The following BTBD9 variants were observed in gnomAD, a reference collection of about 807,000 sequenced individuals.
BTBD9 encodes BTB/POZ domain-containing protein 9.
Under a neutral mutation model 64.3 loss-of-function variants are expected in BTBD9, and 49 were observed. That is an observed-to-expected ratio of 0.76 (90% confidence interval 0.61 to 0.97). The LOEUF (loss-of-function observed/expected upper bound fraction) is 0.97, where lower values mean the gene tolerates loss of function less well. Among genes scored for constraint, BTBD9 ranks in the 50% least tolerant of loss-of-function variants. The pLI is 0.00. For synonymous variants in BTBD9, 260 were observed against 274.7 expected, an observed-to-expected ratio of 0.95 and a Z score of 0.53; for missense variants, 598 against 762.1, an observed-to-expected ratio of 0.78 and a Z score of 2.53.
At chr6:38,179,415 G>A (rs1000843118) in intron 10 of BTBD9, 2 of 456,600 alleles carry the variant, frequency 4.4e-6, no homozygotes, top group African/African-American at 4.0e-5. Context: ...TTCCCTGGAA[G>A]GGACGGGGGC....
At chr6:38,331,253 G>A (rs1163154291) in intron 7 of BTBD9, among the ~76,000 whole-genome samples, 1 of 152,224 alleles carries the variant, frequency 6.6e-6, no homozygotes, top group East Asian at 1.9e-4. Flanking sequence ...ACCGAGGTAG[G>A]AGGATTGCTT....
intron 6 of BTBD9, among the ~76,000 whole-genome samples, chr6:38,374,512 C>T (rs1463883277): frequency 8.6e-5 from 13 of 151,288 alleles, no homozygotes; most frequent in African/African-American, 2.9e-4. Flanking sequence ...TTCAGCCTCC[C>T]ACAGTTCTGG....
intron 6 of BTBD9, among the ~76,000 whole-genome samples, chr6:38,489,502 A>AC (rs912502172): frequency 5.3e-5 from 8 of 151,812 alleles, no homozygotes; most frequent in South Asian, 2.1e-4. Context: ...TAATTACAGT[A>AC]TTTTTTTTCA....
chr6:38,169,474 G>GGCA lies in BTBD9; in HGVS notation c.*5508_*5510dup, dbSNP rs1224522642. On this transcript the variant is annotated 3_prime_UTR_variant, in exon 11 of 11. Coordinates refer to ENST00000481247, the MANE Select transcript of BTBD9 (RefSeq NM_001099272.2). ...GGGCTCATGTGGTGGGGAGCAATTTGGCAGCAGACGGACTAATATCAACGT... is the reference window on the plus strand; with the variant it reads ...GGGCTCATGTGGTGGGGAGCAATTTGGCAGCAGCAGACGGACTAATATCAACGT... The GGCA allele has an allele frequency of 1.2e-5, 1 of 83,014 alleles. No homozygotes were observed. Among genetic ancestry groups the GGCA allele is most frequent in the Admixed American group, 1.2e-4 (1 of 8,636 alleles). 5.1% of individuals were successfully genotyped at this position (83,014 alleles called of 1,614,324 possible). A position where few individuals can be genotyped will look rare whatever the true frequency, so the allele number is the denominator to read the frequency against.
chr6:38,202,076 G>GTTTTTTTTTTTTTTTTTTTTTTTTTT (rs1263045337), intron 9 of BTBD9, among the ~76,000 whole-genome samples: 1 of 135,060 alleles, frequency 7.4e-6, no homozygotes. Flanking sequence ...CAAAAATGTC[G>GTTTTTTTTTTTTTTTTTTTTTTTTTT]TTTTTTTTGT....
chr6:38,373,106 T>C (rs1051926643), intron 6 of BTBD9, among the ~76,000 whole-genome samples: 7 of 152,168 alleles, frequency 4.6e-5, no homozygotes, highest in Admixed American at 3.3e-4. Flanking sequence ...ACCATGGTCC[T>C]TGGTAGATAC....
chr6:38,415,057 C>T (rs1767602156), intron 6 of BTBD9, among the ~76,000 whole-genome samples: 1 of 152,054 alleles, frequency 6.6e-6, no homozygotes, highest in Non-Finnish European at 1.5e-5. Flanking sequence ...CTCTAAGTTG[C>T]TTTTTTCCCC....
chr6:38,193,970 C>T, intron 9 of BTBD9: 9 of 864,082 alleles, frequency 1.0e-5, no homozygotes, highest in Non-Finnish European at 1.3e-5. Context: ...AACCAGTGTT[C>T]TGGAAACAAA....
chr6:38,342,490 T>C (rs1326933321), intron 7 of BTBD9, among the ~76,000 whole-genome samples: 4 of 147,870 alleles, frequency 2.7e-5, no homozygotes, highest in African/African-American at 1.0e-4. Flanking sequence ...GAGGCAAGAT[T>C]GTGCCACTGC....
intron 2 of BTBD9, among the ~76,000 whole-genome samples, chr6:38,597,478 C>A (rs189347339): frequency 3.8e-4 from 58 of 152,290 alleles, no homozygotes; most frequent in Middle Eastern, 3.4e-3. Flanking sequence ...TACAAGTGCA[C>A]GTCTTAGATC....
intron 9 of BTBD9, among the ~76,000 whole-genome samples, chr6:38,210,409 T>C (rs956324145): frequency 6.6e-6 from 1 of 152,168 alleles, no homozygotes; most frequent in African/African-American, 2.4e-5. Flanking sequence ...CTTTTCTCTC[T>C]CCTGCAGCAG....
At chr6:38,490,890 TAGTGCATAGATTTTTC>T (rs1431151806) in intron 6 of BTBD9, among the ~76,000 whole-genome samples, 3 of 152,330 alleles carry the variant, frequency 2.0e-5, no homozygotes, top group Admixed American at 6.5e-5. Flanking sequence ...GGCTTACTTC[TAGTGCATAGATTTTTC>T]CCAGAAAAGG....
chr6:38,361,499 T>G (rs1392513670), intron 6 of BTBD9, among the ~76,000 whole-genome samples: 1 of 152,040 alleles, frequency 6.6e-6, no homozygotes, highest in African/African-American at 2.4e-5. Context: ...GCTGTGATCA[T>G]GCCACGGCGC....
At chr6:38,201,316 T>C (rs1384103972) in intron 9 of BTBD9, among the ~76,000 whole-genome samples, 1 of 152,124 alleles carries the variant, frequency 6.6e-6, no homozygotes, top group Non-Finnish European at 1.5e-5. Flanking sequence ...CGTGATACAT[T>C]AGATCAACAA....
intron 7 of BTBD9, among the ~76,000 whole-genome samples, chr6:38,314,227 G>A (rs908491335): frequency 2.0e-5 from 3 of 151,150 alleles, no homozygotes; most frequent in Non-Finnish European, 2.9e-5. Flanking sequence ...CTGGAGTCTC[G>A]CTCTGTCGCC....
At chr6:38,471,391 G>A (rs1009202179) in intron 6 of BTBD9, among the ~76,000 whole-genome samples, 2 of 152,120 alleles carry the variant, frequency 1.3e-5, no homozygotes, top group Admixed American at 6.5e-5. Context: ...CAAGGAATCC[G>A]ACCCACTAGG....
rs1204449174 is a variant in BTBD9 at position 38,375,932 on chromosome 6, AAAG to A, written c.1155-30842_1155-30840del. ...GAAAGAAAGAAAGAAAGAAAGAAAG[AAAG>A]AAAGAAGGAAAGAAGGAAAGAAAGA... On this transcript the variant is annotated intron_variant, in intron 6 of 10. Coordinates refer to ENST00000481247, the MANE Select transcript of BTBD9 (RefSeq NM_001099272.2). 5.9e-5 allele frequency among the ~76,000 whole-genome samples: 8 copies of A among 134,792 alleles called. No homozygotes were observed. The East Asian group carries it at 2.4e-3, about 41-fold the overall frequency. The allele number at this position is 134,792 out of a possible 152,430, so 88.4% of individuals were successfully genotyped here.
At chr6:38,320,977 C>T (rs899600728) in intron 7 of BTBD9, among the ~76,000 whole-genome samples, 2 of 152,224 alleles carry the variant, frequency 1.3e-5, no homozygotes, top group Non-Finnish European at 2.9e-5. Flanking sequence ...ACCGAGAAAG[C>T]AGTTCCTTCT....
At chr6:38,594,450 G>GA in intron 2 of BTBD9, 123 bp from the exon 3 acceptor site, 2 of 1,192,516 alleles carry the variant, frequency 1.7e-6, no homozygotes, top group Non-Finnish European at 2.3e-6. Context: ...AGATCCAAGT[G>GA]AAAAAATGCA....
Sources: gnomAD v4.1 joint callset for allele counts (sites outside exome capture counted in the v4.1 genomes callset) on GRCh38, gnomAD v4.1.1 for gene constraint, MANE v1.5 for transcripts, NCBI Gene and HGNC (gene_info 2026-07-23, HGNC 2026-07-21) for gene names.